Variants in ZNF28 observed in about 807,000 individuals in gnomAD.
The protein encoded by ZNF28 is zinc finger protein 28, also known as zinc finger protein KOX24.
A neutral mutation model predicts 7.2 loss-of-function variants in ZNF28; 5 were observed. That is an observed-to-expected ratio of 0.70 (90% CI 0.36 to 1.46). The LOEUF (loss-of-function observed/expected upper bound fraction) is 1.46. Among genes scored for constraint, ZNF28 ranks in the 40% most tolerant of loss-of-function variants. The pLI is 0.03. For synonymous variants in ZNF28, 288 were observed against 292.4 expected (o/e 0.99, Z 0.15); for missense variants, 879 against 866.6 (o/e 1.01, Z -0.18).
In ZNF28 at chr19:52,798,613, TC is replaced by T. The variant is rs202072929; in HGVS notation, c.*1074del. Reference sequence around the variant, plus strand: ...CAATCATCACACTTGTGAGTTTCTCTCCTGTATGAATCCTCCTATGTTTTGC... The same window carrying T: ...CAATCATCACACTTGTGAGTTTCTCTCTGTATGAATCCTCCTATGTTTTGC... On this transcript the variant is annotated 3_prime_UTR_variant, in exon 4 of 4. Coordinates refer to ENST00000457749, the MANE Select transcript of ZNF28 (RefSeq NM_006969.5). 3,783 of 438,530 alleles carry T rather than the reference TC, an allele frequency of 8.6e-3. 134 individuals carry two copies. The highest frequency in any genetic ancestry group is 0.074 in the African/African-American group (3,530 of 47,406). 27.2% of individuals were successfully genotyped at this position (438,530 alleles called of 1,614,324 possible). A position where few individuals can be genotyped will look rare whatever the true frequency, so the allele number is the denominator to read the frequency against.
intron 1 of ZNF28, among the ~76,000 whole-genome samples, chr19:52,819,156 C>G (rs2063163927): frequency 7.2e-6 from 1 of 138,484 alleles, no homozygotes; most frequent in African/African-American, 2.8e-5. Context: ...CAGAGGGAGT[C>G]AGATGAGGGT....
intron 2 of ZNF28, chr19:52,810,036 C>T: frequency 1.3e-6 from 1 of 740,770 alleles, no homozygotes; most frequent in South Asian, 1.5e-5. Flanking sequence ...AGAGGAGCCG[C>T]TCCAGCCCCG....
In ZNF28 at chr19:52,816,664, CAA is replaced by C. The variant is rs2063127597; in HGVS notation, c.15+1278_15+1279del. Among the ~76,000 whole-genome samples, 2 of 94,550 alleles carry C rather than the reference CAA, an allele frequency of 2.1e-5. 1 individual carries two copies. The highest frequency in any genetic ancestry group is 5.4e-5 in the Non-Finnish European group (2 of 37,134). The allele number at this position is 94,550 out of a possible 152,430, so 62.0% of individuals were successfully genotyped here. ...GGGTGACAGAGTGAAAACATCATCTCAAAAAAAGAAAAAAAAAATTAGTTGGG... is the reference window on the plus strand; with the variant it reads ...GGGTGACAGAGTGAAAACATCATCTCAAAAAGAAAAAAAAAATTAGTTGGG... On this transcript the variant is annotated intron_variant, in intron 2 of 3. Transcript: ENST00000457749.
chr19:52,803,751 G>T (rs1234704146), intron 3 of ZNF28, among the ~76,000 whole-genome samples: 1 of 152,082 alleles, frequency 6.6e-6, no homozygotes, highest in Non-Finnish European at 1.5e-5. Flanking sequence ...TAAATCAGGA[G>T]TTCGAGACCA....
chr19:52,817,323 G>A (rs1379322383), intron 2 of ZNF28, among the ~76,000 whole-genome samples: 1 of 152,050 alleles, frequency 6.6e-6, no homozygotes, highest in Non-Finnish European at 1.5e-5. Context: ...GGTGAGCTGA[G>A]ATCACGCCAT....
In ZNF28 at chr19:52,799,764, T is replaced by C. The variant is rs2062837369; in HGVS notation, c.2081A>G (p.Asn694Ser). 2 of 1,614,136 alleles carry C rather than the reference T, an allele frequency of 1.2e-6. No individual in the cohort carries two copies. The highest frequency in any genetic ancestry group is 8.5e-7 in the Non-Finnish European group (1 of 1,179,976). Residue 694 changes from asparagine to serine, a missense_variant, in exon 4 of 4, where the codon AAT (asparagine) becomes AGT (serine). Asn to Ser is a conservative substitution (Grantham distance 46, BLOSUM62 1). Coordinates refer to ENST00000457749, the MANE Select transcript of ZNF28 (RefSeq NM_006969.5). ...CTGACTGAAGGTCTTGCCACACTCA[T>C]TACACTTGTAAGGTTTCTCTCCAGT... ...VHTGEKPYKC[N>S]ECGKTFSQMS...
rs111678182 is a variant in ZNF28, at chr19:52,799,772, G to A, written c.2073C>T (p.Tyr691=). The part of the protein sequence containing the change: ...HQRVHTGEKP[Y]KCNECGKTFS... ...AGGTCTTGCCACACTCATTACACTT[G>A]TAAGGTTTCTCTCCAGTATGAACTC... is the stretch of plus-strand genomic sequence containing the variant. The change falls in exon 4 of 4, where the codon TAC becomes TAT. Residue 691 remains tyrosine, a synonymous_variant. Coordinates refer to ENST00000457749, the MANE Select transcript of ZNF28 (RefSeq NM_006969.5). 5 of 1,613,926 alleles carry A rather than the reference G, an allele frequency of 3.1e-6. No individual in the cohort carries two copies. In the East Asian group the frequency reaches 1.1e-4, roughly 36 times the overall value.
intron 2 of ZNF28, among the ~76,000 whole-genome samples, chr19:52,808,547 T>C (rs573594429): frequency 1.3e-5 from 2 of 151,884 alleles, no homozygotes; most frequent in East Asian, 1.9e-4. Context: ...TGAGGCAGAA[T>C]TGCCTGATCC....
Position 52,803,878 on chromosome 19 carries a change from A to G in ZNF28, c.143-2176T>C, listed in dbSNP as rs764477918. Among the ~76,000 whole-genome samples the G allele has an allele frequency of 1.3e-3, 193 of 152,260 alleles. 1 individual carries two copies. The highest frequency in any genetic ancestry group is 2.1e-3 in the Non-Finnish European group (141 of 68,004). On this transcript the variant is annotated intron_variant, in intron 3 of 3. Coordinates refer to ENST00000457749, the MANE Select transcript of ZNF28 (RefSeq NM_006969.5). ...GTAGTCTGAGGCAGAAAACATTTGT[A>G]CCCAGAAGGTGAAGGTTGCAGTGAG...
At chr19:52,816,790 C>T (rs1445412968) in intron 2 of ZNF28, among the ~76,000 whole-genome samples, 1 of 151,460 alleles carries the variant, frequency 6.6e-6, no homozygotes, top group Non-Finnish European at 1.5e-5. Context: ...GAGATCATGC[C>T]ACTGCACTGC....
chr19:52,807,888 C>T lies in ZNF28; in HGVS notation c.142+119G>A, dbSNP rs1232435291. 2.7e-6 allele frequency: 4 copies of T among 1,492,972 alleles called. No homozygotes were observed. The African/African-American group carries it at 4.2e-5, about 16-fold the overall frequency. The allele number at this position is 1,492,972 out of a possible 1,614,324, so 92.5% of individuals were successfully genotyped here. On this transcript the variant is annotated intron_variant, in intron 3 of 3. Coordinates refer to ENST00000457749, the MANE Select transcript of ZNF28 (RefSeq NM_006969.5). The stretch of plus-strand genomic sequence containing the variant: ...AAAGTCCAGATGCTACATCATGAAG[C>T]TTTTCATTTCAAAATCAATACGGCT...
rs2062874402 is a variant in ZNF28 at position 52,801,703 on chromosome 19, C to T, written c.143-1G>A. 1 of 1,609,700 alleles carries T rather than the reference C, an allele frequency of 6.2e-7. No homozygotes were observed. ...TTCATCATGCATTTGGAAGAGATAT[C>T]TACAAAATATAAACACCAATAGGTT... On this transcript the variant is annotated splice_acceptor_variant, in intron 3 of 3. Transcript: ENST00000457749. LOFTEE classifies it high-confidence loss of function.
At position 52,808,041 on chromosome 19, in the gene ZNF28, C is replaced by G; in HGVS notation, c.108G>C (p.Val36=). 6.2e-7 allele frequency: 1 copy of G among 1,613,616 alleles called. No homozygotes were observed. Among genetic ancestry groups the G allele is most frequent in the Non-Finnish European group, 8.5e-7 (1 of 1,179,602 alleles). ...DPAQRTLYRD[V]MLENYRNLVS... ...CCAGGTTCCTATAATTCTCCAGCAT[C>G]ACATCCCTGTAAAGAGTCCTCTGAG... Residue 36 remains valine (V), a synonymous_variant, in exon 3 of 4, where the codon GTG becomes GTC. Transcript: ENST00000457749.
chr19:52,814,134 T>C (rs1414628450), intron 2 of ZNF28: 1 of 146,592 alleles, frequency 6.8e-6, no homozygotes, highest in Admixed American at 6.9e-5. Flanking sequence ...GGCACAGAAC[T>C]GACAGTAACG....
chr19:52,820,151 T>C (rs1216408760), intron 1 of ZNF28, among the ~76,000 whole-genome samples: 3 of 101,902 alleles, frequency 2.9e-5, no homozygotes, highest in South Asian at 7.1e-4. Flanking sequence ...CGCTCTGTCG[T>C]CCAGGCCGGA....
intron 2 of ZNF28, among the ~76,000 whole-genome samples, chr19:52,815,749 C>T (rs1392477183): frequency 1.4e-5 from 2 of 145,882 alleles, no homozygotes; most frequent in Non-Finnish European, 3.0e-5. Context: ...GGTGTGAACC[C>T]AGGAGGCGGA....
chr19:52,817,419 A>C (rs1169630119), intron 2 of ZNF28, among the ~76,000 whole-genome samples: 1 of 152,190 alleles, frequency 6.6e-6, no homozygotes, highest in Non-Finnish European at 1.5e-5. Flanking sequence ...TTATTCATCT[A>C]TGTATGAACA....
At chr19:52,810,088 G>A in intron 2 of ZNF28, 1 of 774,830 alleles carries the variant, frequency 1.3e-6, no homozygotes, top group Non-Finnish European at 2.3e-6. Flanking sequence ...CCTCGTTCAG[G>A]AGCCACCGGC....
At position 52,800,159 on chromosome 19, in the gene ZNF28, G is replaced by A; in HGVS notation, c.1686C>T (p.Arg562=). 1 of 1,613,538 alleles carries A rather than the reference G, an allele frequency of 6.2e-7. No individual in the cohort carries two copies. The highest frequency in any genetic ancestry group is 8.5e-7 in the Non-Finnish European group (1 of 1,179,844). ...KCEECEKVFS[R]KSHMERHRRI... ...TCCTATGTCTTTCCATGTGTGATTT[G>A]CGACTGAAAACTTTCTCACATTCTT... Residue 562 remains arginine, a synonymous_variant, in exon 4 of 4, where the codon CGC becomes CGT. Coordinates refer to ENST00000457749, the MANE Select transcript of ZNF28 (RefSeq NM_006969.5).
Sources: allele counts gnomAD v4.1 joint callset (sites outside exome capture counted in the v4.1 genomes callset), GRCh38; gene constraint gnomAD v4.1.1; transcripts MANE v1.5; gene names NCBI Gene and HGNC (gene_info 2026-07-23, HGNC 2026-07-21).